Variants in CAMK2D observed in about 807,000 individuals in gnomAD.
CAMK2D encodes calcium/calmodulin-dependent protein kinase type II subunit delta.
Under a neutral mutation model 84.0 loss-of-function variants are expected in CAMK2D, and 37 were observed. That is an observed-to-expected ratio of 0.44 (90% confidence interval 0.34 to 0.58). CAMK2D has a LOEUF of 0.58. CAMK2D is among the 20% of genes least tolerant of loss of function. The pLI is 0.02. For missense variants in CAMK2D, 448 were observed against 652.5 expected, an observed-to-expected ratio of 0.69 and a Z score of 3.41; for synonymous variants, 202 against 212.5, an observed-to-expected ratio of 0.95 and a Z score of 0.43.
At chr4:113,701,801 C>T (rs957944056) in intron 2 of CAMK2D, among the ~76,000 whole-genome samples, 6 of 152,106 alleles carry the variant, frequency 3.9e-5, no homozygotes, top group Non-Finnish European at 8.8e-5. Context: ...CTTGTCCTCC[C>T]TAGGCTCAGG....
chr4:113,498,245 T>C (rs1041208398), intron 16 of CAMK2D, among the ~76,000 whole-genome samples: 1 of 152,194 alleles, frequency 6.6e-6, no homozygotes, highest in African/African-American at 2.4e-5. Flanking sequence ...AATGGAGAGA[T>C]TCCCACACAA....
At chr4:113,532,823 T>A (rs1020575296) in intron 7 of CAMK2D, among the ~76,000 whole-genome samples, 1 of 152,166 alleles carries the variant, frequency 6.6e-6, no homozygotes, top group Non-Finnish European at 1.5e-5. Flanking sequence ...CTTCTCAGTG[T>A]CACCCTTGAT....
chr4:113,712,856 T>C (rs1004409404), intron 2 of CAMK2D, among the ~76,000 whole-genome samples: 1 of 152,060 alleles, frequency 6.6e-6, no homozygotes, highest in African/African-American at 2.4e-5. Context: ...TACCTAGGGA[T>C]AAAATATTTT....
chr4:113,495,002 C>T (rs1214262135), intron 16 of CAMK2D, among the ~76,000 whole-genome samples: 9 of 152,308 alleles, frequency 5.9e-5, no homozygotes, highest in South Asian at 2.1e-4. Flanking sequence ...CTTCGGCTCA[C>T]GCACGGTGCG....
chr4:113,527,386 G>A (rs1430024364), intron 8 of CAMK2D, among the ~76,000 whole-genome samples: 1 of 151,978 alleles, frequency 6.6e-6, no homozygotes, highest in African/African-American at 2.4e-5. Context: ...ACAGGCATGA[G>A]TCACTGGGCC....
At chr4:113,660,962 A>ATTTTTTTTTTTTT (rs60016599) in intron 3 of CAMK2D, among the ~76,000 whole-genome samples, 1 of 151,234 alleles carries the variant, frequency 6.6e-6, no homozygotes, top group South Asian at 2.1e-4. Context: ...CGCCCGGATA[A>ATTTTTTTTTTTTT]TTTTTTTGTA....
chr4:113,489,187 G>A lies in CAMK2D; in HGVS notation c.1135+11276C>T, dbSNP rs566954327. 3.5e-4 allele frequency among the ~76,000 whole-genome samples: 53 copies of A among 150,992 alleles called. No individual in the cohort carries two copies. In the East Asian group the frequency reaches 7.4e-3, roughly 21 times the overall value. ...AAGTTTTAGGGTACATGTGCACATCGTGCAGGTTAGTTACATATGTATACA... is the reference window on the plus strand; with the variant it reads ...AAGTTTTAGGGTACATGTGCACATCATGCAGGTTAGTTACATATGTATACA... On this transcript the variant is annotated intron_variant, in intron 16 of 20. Coordinates refer to ENST00000511664, the MANE Select transcript of CAMK2D (RefSeq NM_001321571.2).
rs745932478 is a variant in CAMK2D, at chr4:113,525,514, A to T, written c.601+5702T>A. Among the ~76,000 whole-genome samples the T allele has an allele frequency of 2.6e-4, 40 of 152,244 alleles. 1 individual carries two copies. Among genetic ancestry groups the T allele is most frequent in the Middle Eastern group, 3.4e-3 (1 of 294 alleles). ...TGTTCTTGCTTCATTAATGTTTATT[A>T]TTTGCTTTCCAGTAATGGAATAGTT... On this transcript the variant is annotated intron_variant, in intron 8 of 20. Coordinates refer to ENST00000511664, the MANE Select transcript of CAMK2D (RefSeq NM_001321571.2).
chr4:113,666,214 T>C (rs1434088795), intron 2 of CAMK2D, among the ~76,000 whole-genome samples: 2 of 152,180 alleles, frequency 1.3e-5, no homozygotes, highest in Non-Finnish European at 2.9e-5. Context: ...ACTCAGGCAA[T>C]ATCAGAGAAT....
chr4:113,484,591 G>A (rs968640269), intron 16 of CAMK2D, among the ~76,000 whole-genome samples: 2 of 152,120 alleles, frequency 1.3e-5, no homozygotes. Context: ...CAATGGTACA[G>A]CATTTTATAT....
chr4:113,682,611 C>T (rs981599263), intron 2 of CAMK2D, among the ~76,000 whole-genome samples: 4 of 152,060 alleles, frequency 2.6e-5, no homozygotes, highest in Non-Finnish European at 5.9e-5. Context: ...CTCCTCTACT[C>T]CAACTTAAGT....
At chr4:113,489,763 G>T in intron 16 of CAMK2D, among the ~76,000 whole-genome samples, 1 of 135,704 alleles carries the variant, frequency 7.4e-6, no homozygotes, top group Non-Finnish European at 1.6e-5. Context: ...CACCAACAGT[G>T]TAAAAGTGTT....
At chr4:113,673,426 A>G (rs2099302081) in intron 2 of CAMK2D, among the ~76,000 whole-genome samples, 1 of 152,214 alleles carries the variant, frequency 6.6e-6, no homozygotes, top group South Asian at 2.1e-4. Context: ...GACAATGCCC[A>G]AAAGGACCAC....
intron 16 of CAMK2D, among the ~76,000 whole-genome samples, chr4:113,469,863 T>C (rs970310376): frequency 6.6e-6 from 1 of 152,170 alleles, no homozygotes; most frequent in African/African-American, 2.4e-5. Context: ...TCCTCTTCTT[T>C]TTGACTTTTT....
chr4:113,510,605 C>T (rs2098198205), intron 12 of CAMK2D, among the ~76,000 whole-genome samples: 1 of 152,070 alleles, frequency 6.6e-6, no homozygotes, highest in Non-Finnish European at 1.5e-5. Context: ...ACAATTAGTA[C>T]ACCAAGTGTA....
chr4:113,668,525 T>C (rs2099266493), intron 2 of CAMK2D, among the ~76,000 whole-genome samples: 4 of 152,208 alleles, frequency 2.6e-5, no homozygotes, highest in African/African-American at 7.2e-5. Context: ...GTGTCCAACT[T>C]TAAAAGAACT....
chr4:113,531,283 A>G lies in CAMK2D; in HGVS notation c.534T>C (p.Pro178=). 6.3e-7 allele frequency: 1 copy of G among 1,594,536 alleles called. No individual in the cohort carries two copies. The highest frequency in any genetic ancestry group is 8.6e-7 in the Non-Finnish European group (1 of 1,162,330). ...GTAAAACTTCTGGAGAAAGATATCC[A>G]GGTGTGCCAGCAAAACCTAGGGAAA... ...QQAWFGFAGT[P]GYLSPEVLRK... Residue 178 remains proline (P), a synonymous_variant, in exon 8 of 21, where the codon CCT becomes CCC. Coordinates refer to ENST00000511664, the MANE Select transcript of CAMK2D (RefSeq NM_001321571.2).
chr4:113,510,559 T>C (rs2098197597), intron 12 of CAMK2D, among the ~76,000 whole-genome samples: 1 of 151,912 alleles, frequency 6.6e-6, no homozygotes, highest in Non-Finnish European at 1.5e-5. Context: ...AAGGAATGTG[T>C]AGATACACAG....
At chr4:113,490,098 T>C (rs1230309368) in intron 16 of CAMK2D, among the ~76,000 whole-genome samples, 5 of 150,174 alleles carry the variant, frequency 3.3e-5, no homozygotes, top group African/African-American at 1.2e-4. Context: ...AGGTTGCCTG[T>C]TCACTCTGAT....
Sources: gnomAD v4.1 joint callset for allele counts (sites outside exome capture counted in the v4.1 genomes callset) on GRCh38, gnomAD v4.1.1 for gene constraint, MANE v1.5 for transcripts, NCBI Gene and HGNC (gene_info 2026-07-23, HGNC 2026-07-21) for gene names.